Variants in SLC5A9 observed in about 807,000 individuals in gnomAD.
The protein encoded by SLC5A9 is sodium/glucose cotransporter 4.
A neutral mutation model predicts 70.9 loss-of-function variants in SLC5A9; 59 were observed. That is an observed-to-expected ratio of 0.83 (90% CI 0.68 to 1.03). The LOEUF (loss-of-function observed/expected upper bound fraction) is 1.03, where lower values mean the gene tolerates loss of function less well. Ranked by LOEUF, SLC5A9 falls within the 50% of genes least tolerant of loss-of-function variation. The pLI is 0.00. For synonymous variants in SLC5A9, 340 were observed against 346.5 expected, an observed-to-expected ratio of 0.98 and a Z score of 0.21; for missense variants, 832 against 881.1, an observed-to-expected ratio of 0.94 and a Z score of 0.71.
At chr1:48,231,794 C>T in intron 6 of SLC5A9, 152 bp from the exon 7 acceptor site, 1 of 1,507,642 alleles carries the variant, frequency 6.6e-7, no homozygotes, top group Non-Finnish European at 8.9e-7. Flanking sequence ...TACTTCAAAC[C>T]AAGGGTCTTG....
chr1:48,227,393 G>A (rs1569816311), intron 2 of SLC5A9, among the ~76,000 whole-genome samples: 1 of 148,674 alleles, frequency 6.7e-6, no homozygotes, highest in Non-Finnish European at 1.5e-5. Context: ...GAGTGTGTGT[G>A]TACTGTGCCT....
intron 2 of SLC5A9, among the ~76,000 whole-genome samples, chr1:48,227,152 AGTGT>A (rs34855469): frequency 4.9e-5 from 7 of 142,580 alleles, no homozygotes; most frequent in South Asian, 2.3e-4. Flanking sequence ...CAAGTGCATG[AGTGT>A]GTGTGTCAGA....
chr1:48,240,435 C>A (rs992496097), intron 12 of SLC5A9: 2 of 152,178 alleles, frequency 1.3e-5, no homozygotes, highest in African/African-American at 4.8e-5. Context: ...TGGGAGGACA[C>A]AATTCAGCCC....
chr1:48,243,366 C>G (rs1030128449), intron 13 of SLC5A9, among the ~76,000 whole-genome samples: 6 of 152,104 alleles, frequency 3.9e-5, no homozygotes, highest in African/African-American at 1.4e-4. Context: ...GGCCATATGA[C>G]ATATGGAGTG....
intron 6 of SLC5A9, 104 bp from the exon 7 acceptor site, chr1:48,231,836 AATCCCC>A (rs779817676): frequency 1.9e-6 from 3 of 1,557,066 alleles, no homozygotes; most frequent in Non-Finnish European, 2.6e-6. Flanking sequence ...CTTCACCCCC[AATCCCC>A]ATGCCAGTTC....
At position 48,239,472 on chromosome 1, in the gene SLC5A9, T is replaced by C. The variant is rs546396946; in HGVS notation, c.1612T>C (p.Cys538Arg). 1.2e-6 allele frequency: 2 copies of C among 1,614,222 alleles called. No homozygotes were observed. The highest frequency in any genetic ancestry group is 1.3e-5 in the African/African-American group (1 of 75,058). The stretch of plus-strand genomic sequence containing the variant: ...CTACCTGTACTTTGCAATCCTCCTC[T>C]GCGGGCTCACTGCCATCGTCATTGT... ...FHYLYFAILL[C>R]GLTAIVIVIV... Residue 538 changes from cysteine (C) to arginine (R), a missense_variant, in exon 12 of 14, where the codon TGC becomes CGC. By Grantham distance (180) the Cys-to-Arg change is radical. Coordinates refer to ENST00000438567, the MANE Select transcript of SLC5A9 (RefSeq NM_001011547.3). The surrounding 1 kb of genome is among the most constrained non-coding windows in gnomAD (Gnocchi z 4.2).
At chr1:48,230,563 CG>C in intron 4 of SLC5A9, 36 bp from the exon 5 acceptor site, 1 of 1,498,668 alleles carries the variant, frequency 6.7e-7, no homozygotes, top group Non-Finnish European at 9.3e-7. Context: ...CTGAGGGCCT[CG>C]GGTGGTCTGG....
chr1:48,226,928 TGAGA>T (rs540917256), intron 2 of SLC5A9, among the ~76,000 whole-genome samples: 8 of 152,178 alleles, frequency 5.3e-5, no homozygotes, highest in African/African-American at 1.9e-4. Flanking sequence ...TGGGACCGCC[TGAGA>T]GAGGAAGAGT....
At position 48,222,891 on chromosome 1, in the gene SLC5A9, G is replaced by A; in HGVS notation, c.155G>A (p.Gly52Glu). The change falls in exon 1 of 14, where the codon GGG becomes GAG. Residue 52 changes from glycine to glutamate, a missense_variant. Physicochemically the swap from Gly to Glu is moderately conservative, Grantham distance 98 (BLOSUM62 -2). Coordinates refer to ENST00000438567, the MANE Select transcript of SLC5A9 (RefSeq NM_001011547.3). ...VIYFVFVIAV[G>E]IWSSIRASRG... ...TACTTTGTCTTCGTCATTGCTGTGG[G>A]GATCTGGGTAAGTGGGCCCTGAGGC... 1 of 1,613,976 alleles carries A rather than the reference G, an allele frequency of 6.2e-7. No individual in the cohort carries two copies.
intron 8 of SLC5A9, among the ~76,000 whole-genome samples, chr1:48,233,360 CAAAAAAAAAAAAA>C (rs1157245912): frequency 1.5e-4 from 9 of 58,714 alleles, no homozygotes; most frequent in East Asian, 6.1e-4. Context: ...GACTCCATCT[CAAAAAAAAAAAAA>C]AAAAAAAAAA....
At chr1:48,244,623 C>A (rs900320029) in intron 13 of SLC5A9, among the ~76,000 whole-genome samples, 71 of 148,898 alleles carry the variant, frequency 4.8e-4, no homozygotes, top group African/African-American at 1.6e-3. Context: ...CACATAGGCT[C>A]ACTTCAGAAG....
chr1:48,232,062 C>T lies in SLC5A9; in HGVS notation c.808C>T (p.Leu270Phe), dbSNP rs753189184. The change falls in exon 7 of 14, where the codon CTT becomes TTT. Residue 270 changes from leucine (L) to phenylalanine (F), a missense_variant. Physicochemically the swap from Leu to Phe is conservative, Grantham distance 22. Transcript: ENST00000438567. Reference sequence around the variant, plus strand: ...CCCACGGCCCGATGCTTTCCACATTCTTCGGGACCCTGTGAGCGGGGACAT... The same window carrying T: ...CCCACGGCCCGATGCTTTCCACATTTTTCGGGACCCTGTGAGCGGGGACAT... Reference protein sequence around the residue: ...HLPRPDAFHILRDPVSGDIPW... With the variant: ...HLPRPDAFHIFRDPVSGDIPW... 5.3e-5 allele frequency: 85 copies of T among 1,614,028 alleles called. No homozygotes were observed. The Admixed American group carries it at 1.4e-3, about 27-fold the overall frequency.
intron 9 of SLC5A9, among the ~76,000 whole-genome samples, chr1:48,234,356 C>T (rs143744277): frequency 7.9e-4 from 120 of 152,256 alleles, no homozygotes; most frequent in African/African-American, 2.7e-3. Context: ...TAGAGCAGAG[C>T]GCTGGGACAC....
chr1:48,240,364 C>T (rs1644377676), intron 12 of SLC5A9: 1 of 152,128 alleles, frequency 6.6e-6, no homozygotes, highest in Admixed American at 6.5e-5. Context: ...TGTAAAGACC[C>T]CATCTCCAAA....
At chr1:48,230,810 C>A in intron 5 of SLC5A9, 105 bp downstream of exon 5, 1 of 816,068 alleles carries the variant, frequency 1.2e-6, no homozygotes, top group Non-Finnish European at 2.0e-6. Context: ...TGACAGAAAG[C>A]TGATGCTGAC....
chr1:48,244,878 G>GTGTGTGTATATATATATATATATATATA (rs1391896495), intron 13 of SLC5A9, among the ~76,000 whole-genome samples: 3 of 29,418 alleles, frequency 1.0e-4, no homozygotes, highest in Non-Finnish European at 1.5e-4. Context: ...ATGTGTATGT[G>GTGTGTGTATATATATATATATATATATA]TATATATATA....
intron 4 of SLC5A9, 121 bp downstream of exon 4, chr1:48,229,580 CAGG>C: frequency 6.7e-7 from 1 of 1,496,816 alleles, no homozygotes; most frequent in Non-Finnish European, 9.0e-7. Flanking sequence ...AAAAGGAAAG[CAGG>C]ACCTATAAAC....
rs954989077 is a variant in SLC5A9, at chr1:48,230,816, C to A, written c.610+111C>A. 5.7e-5 allele frequency: 45 copies of A among 785,032 alleles called. No homozygotes were observed. In the African/African-American group the frequency reaches 7.4e-4, roughly 13 times the overall value. The allele number at this position is 785,032 out of a possible 1,614,324, so 48.6% of individuals were successfully genotyped here. On this transcript the variant is annotated intron_variant, in intron 5 of 13. Coordinates refer to ENST00000438567, the MANE Select transcript of SLC5A9 (RefSeq NM_001011547.3). Reference sequence around the variant, plus strand: ...GAGACAGAGTGACAGAAAGCTGATGCTGACAGAGAGGAGAAACAGGAGAGG... The same window carrying A: ...GAGACAGAGTGACAGAAAGCTGATGATGACAGAGAGGAGAAACAGGAGAGG...
chr1:48,247,366 G>T lies in SLC5A9; in HGVS notation c.1869G>T (p.Trp623Cys), dbSNP rs1196648805. The change falls in exon 14 of 14, where the codon TGG becomes TGT. Residue 623 changes from tryptophan (W) to cysteine (C), a missense_variant. By Grantham distance (215) the Trp-to-Cys change is radical. Coordinates refer to ENST00000438567, the MANE Select transcript of SLC5A9 (RefSeq NM_001011547.3). The stretch of plus-strand genomic sequence containing the variant: ...GCAGGTCCTGGGGAAAGTTGCTCTG[G>T]AGCTGGTTCTGTGGGCTCTCTGGAA... The part of the protein sequence containing the change: ...APSRSWGKLL[W>C]SWFCGLSGTP... 1 of 1,614,040 alleles carries T rather than the reference G, an allele frequency of 6.2e-7. No individual in the cohort carries two copies. The highest frequency in any genetic ancestry group is 1.1e-5 in the South Asian group (1 of 91,072).
Sources: allele counts gnomAD v4.1 joint callset (sites outside exome capture counted in the v4.1 genomes callset), GRCh38; gene constraint gnomAD v4.1.1; non-coding constraint Gnocchi (gnomAD v3.1); transcripts MANE v1.5; gene names NCBI Gene and HGNC (gene_info 2026-07-23, HGNC 2026-07-21).